The following GABRB3 variants were observed in gnomAD, a reference collection of about 807,000 sequenced individuals.
The protein encoded by GABRB3 is gamma-aminobutyric acid receptor subunit beta-3.
In GABRB3, 14 loss-of-function variants were observed where a neutral mutation model predicts 52.1. The ratio of observed to expected loss-of-function variants is 0.27; its 90% CI spans 0.18 to 0.42. GABRB3 has a LOEUF of 0.42. GABRB3 is among the 10% of genes least tolerant of loss of function. The pLI, the probability that GABRB3 is intolerant of heterozygous loss-of-function variation, is 1.00. For missense variants in GABRB3, 307 were observed against 609.1 expected (o/e 0.50, Z 5.22); for synonymous variants, 260 against 232.3 (o/e 1.12, Z -1.08).
Position 26,545,189 on chromosome 15 carries a change from TG to T in GABRB3, c.*2603del, listed in dbSNP as rs1889183583. 7.4e-6 allele frequency: 1 copy of T among 134,796 alleles called. No individual in the cohort carries two copies. Among genetic ancestry groups the T allele is most frequent in the South Asian group, 2.2e-4 (1 of 4,530 alleles). The allele number at this position is 134,796 out of a possible 1,614,324, so 8.3% of individuals were successfully genotyped here. ...TTTTTGTTTTTACAGAATATATGTATGTATTTGTGTGTGTGTGTGTGTGTGT... is the reference window on the plus strand; with the variant it reads ...TTTTTGTTTTTACAGAATATATGTATTATTTGTGTGTGTGTGTGTGTGTGT... On this transcript the variant is annotated 3_prime_UTR_variant, in exon 9 of 9. Transcript: ENST00000311550.
intron 3 of GABRB3, among the ~76,000 whole-genome samples, chr15:26,741,537 T>C (rs1283223860): frequency 2.0e-5 from 3 of 152,254 alleles, no homozygotes; most frequent in Non-Finnish European, 4.4e-5. Context: ...TCTAAATTCA[T>C]GTCCATCCTA....
chr15:26,683,714 AG>A (rs1170035742), intron 3 of GABRB3, among the ~76,000 whole-genome samples: 1 of 152,084 alleles, frequency 6.6e-6, no homozygotes, highest in Non-Finnish European at 1.5e-5. Context: ...ACATGCTCCT[AG>A]GGGGCAGGGT....
chr15:26,751,250 G>A (rs1252453862), intron 3 of GABRB3, among the ~76,000 whole-genome samples: 2 of 152,088 alleles, frequency 1.3e-5, no homozygotes, highest in East Asian at 1.9e-4. Context: ...AACAAAGCAC[G>A]TTTTACTATC....
intron 3 of GABRB3, among the ~76,000 whole-genome samples, chr15:26,767,467 T>A (rs1250262652): frequency 1.3e-5 from 2 of 152,224 alleles, no homozygotes; most frequent in Admixed American, 1.3e-4. Flanking sequence ...CAGCCTCTTA[T>A]GATATCACTT....
rs10676156 is a variant in GABRB3 at position 26,635,010 on chromosome 15, A to ATATATATATATATATATATATATAT, written c.241-13477_241-13476insATATATATATATATATATATATATA. Among the ~76,000 whole-genome samples, 9 of 74,860 alleles carry ATATATATATATATATATATATATAT rather than the reference A, an allele frequency of 1.2e-4. 2 individuals carry two copies. Among genetic ancestry groups the ATATATATATATATATATATATATAT allele is most frequent in the South Asian group, 5.2e-4 (1 of 1,920 alleles). 49.1% of individuals were successfully genotyped at this position (74,860 alleles called of 152,430 possible). On this transcript the variant is annotated intron_variant, in intron 3 of 8. Transcript: ENST00000311550. ...AATATATATATATATATATATATAT[A>ATATATATATATATATATATATATAT]ATATATATATATTTAGAGAGGAAGA...
intron 4 of GABRB3, among the ~76,000 whole-genome samples, chr15:26,606,731 T>C (rs1216002548): frequency 6.6e-6 from 1 of 152,032 alleles, no homozygotes; most frequent in Non-Finnish European, 1.5e-5. Context: ...AACGCAATCA[T>C]ATATATCTGT....
intron 3 of GABRB3, among the ~76,000 whole-genome samples, chr15:26,668,734 G>C (rs916708361): frequency 6.6e-6 from 1 of 152,284 alleles, no homozygotes; most frequent in Non-Finnish European, 1.5e-5. Flanking sequence ...TAAATTGTAT[G>C]ACTATAACAT....
At chr15:26,674,255 G>T (rs568169358) in intron 3 of GABRB3, among the ~76,000 whole-genome samples, 2 of 151,480 alleles carry the variant, frequency 1.3e-5, no homozygotes, top group African/African-American at 2.4e-5. Context: ...TACAAAATTT[G>T]CCTGGCATGG....
At chr15:26,632,472 T>C (rs1441808873) in intron 3 of GABRB3, among the ~76,000 whole-genome samples, 1 of 152,226 alleles carries the variant, frequency 6.6e-6, no homozygotes, top group Non-Finnish European at 1.5e-5. Context: ...AAAATGTTTT[T>C]CTTTATAAGT....
intron 4 of GABRB3, among the ~76,000 whole-genome samples, chr15:26,599,493 G>A (rs569347509): frequency 3.9e-5 from 6 of 152,304 alleles, no homozygotes; most frequent in Middle Eastern, 3.4e-3. Flanking sequence ...GCCTGACCAG[G>A]AACCATCACA....
intron 3 of GABRB3, among the ~76,000 whole-genome samples, chr15:26,712,106 G>A (rs894886713): frequency 6.6e-6 from 1 of 152,180 alleles, no homozygotes; most frequent in African/African-American, 2.4e-5. Context: ...GGAGGCCAGG[G>A]AGGTGGGCAG....
chr15:26,600,685 A>G (rs1196084977), intron 4 of GABRB3, among the ~76,000 whole-genome samples: 2 of 152,226 alleles, frequency 1.3e-5, no homozygotes, highest in Non-Finnish European at 2.9e-5. Flanking sequence ...AACAAATGTA[A>G]AAGACATCAC....
chr15:26,682,366 CCATT>C (rs1456625766), intron 3 of GABRB3, among the ~76,000 whole-genome samples: 1 of 152,168 alleles, frequency 6.6e-6, no homozygotes, highest in Non-Finnish European at 1.5e-5. Context: ...ATAAGCTTCC[CCATT>C]ATTTGCTGGC....
intron 3 of GABRB3, among the ~76,000 whole-genome samples, chr15:26,637,358 C>T (rs1893087666): frequency 2.0e-5 from 3 of 152,314 alleles, no homozygotes; most frequent in Admixed American, 6.5e-5. Context: ...TCCTCTTAAT[C>T]CTAATCATAC....
intron 3 of GABRB3, among the ~76,000 whole-genome samples, chr15:26,759,778 T>C (rs966098549): frequency 6.6e-6 from 1 of 152,196 alleles, no homozygotes; most frequent in African/African-American, 2.4e-5. Flanking sequence ...ATGAATTAAA[T>C]GTATGTAAAA....
chr15:26,773,032 C>G lies in GABRB3; in HGVS notation c.-70G>C. 1 of 1,040,772 alleles carries G rather than the reference C, an allele frequency of 9.6e-7. No homozygotes were observed. Among genetic ancestry groups the G allele is most frequent in the Non-Finnish European group, 1.1e-6 (1 of 891,690 alleles). 64.5% of individuals were successfully genotyped at this position (1,040,772 alleles called of 1,614,324 possible). A position where few individuals can be genotyped will look rare whatever the true frequency, so the allele number is the denominator to read the frequency against. The stretch of plus-strand genomic sequence containing the variant: ...GTCGCGACCCGCAGCCGGGGCTGCT[C>G]CTGCTGCTGCCGCCGCCGCCGCCGC... On this transcript the variant is annotated 5_prime_UTR_variant, in exon 1 of 9. Transcript: ENST00000311550.
At chr15:26,701,547 A>T (rs1888936856) in intron 3 of GABRB3, among the ~76,000 whole-genome samples, 1 of 152,246 alleles carries the variant, frequency 6.6e-6, no homozygotes. Context: ...AATGACCTAT[A>T]CAATGGAAAC....
At chr15:26,733,141 T>A (rs1000026523) in intron 3 of GABRB3, among the ~76,000 whole-genome samples, 11 of 152,200 alleles carry the variant, frequency 7.2e-5, no homozygotes, top group African/African-American at 2.7e-4. Context: ...GTACTGGAAG[T>A]TCTAGCCACA....
intron 4 of GABRB3, chr15:26,616,082 T>C (rs1892246551): frequency 3.1e-6 from 4 of 1,289,022 alleles, no homozygotes; most frequent in South Asian, 1.2e-5. Flanking sequence ...AAAGATGCAA[T>C]GCATTGTTGG....
Sources: allele counts gnomAD v4.1 joint callset (sites outside exome capture counted in the v4.1 genomes callset), GRCh38; gene constraint gnomAD v4.1.1; transcripts MANE v1.5; gene names NCBI Gene and HGNC (gene_info 2026-07-23, HGNC 2026-07-21).